PKP1: variants seen among roughly 807,000 people sequenced by gnomAD.
PKP1 encodes plakophilin 1, also known as plakophilin-1.
PKP1 carries 27 observed loss-of-function variants against 76.4 expected under a neutral mutation model. The observed-to-expected ratio is 0.35, with a 90% confidence interval of 0.26 to 0.49. The LOEUF (loss-of-function observed/expected upper bound fraction) is 0.49, where lower values mean the gene tolerates loss of function less well. Ranked by LOEUF, PKP1 falls within the 20% of genes least tolerant of loss-of-function variation. The pLI is 0.99. For missense variants in PKP1, 964 were observed against 955.2 expected (o/e 1.01, Z -0.12); for synonymous variants, 404 against 384.2 (o/e 1.05, Z -0.60).
intron 6 of PKP1, among the ~76,000 whole-genome samples, chr1:201,319,509 T>C (rs1656872642): frequency 6.6e-6 from 1 of 152,146 alleles, no homozygotes; most frequent in South Asian, 2.1e-4. Flanking sequence ...GTGTCTCAAC[T>C]TGTGTTTCTC....
At chr1:201,297,793 C>T (rs1034270637) in intron 2 of PKP1, among the ~76,000 whole-genome samples, 1 of 152,180 alleles carries the variant, frequency 6.6e-6, no homozygotes, top group Non-Finnish European at 1.5e-5. Context: ...TCCCCTCCAA[C>T]CAGGCCTACT....
intron 2 of PKP1, among the ~76,000 whole-genome samples, chr1:201,309,945 G>A (rs973275571): frequency 1.1e-4 from 16 of 152,210 alleles, no homozygotes; most frequent in Non-Finnish European, 2.2e-4. Context: ...CACTCGAAGT[G>A]CCCCATCTGG....
chr1:201,298,431 A>G (rs1210573487), intron 2 of PKP1, among the ~76,000 whole-genome samples: 5 of 152,174 alleles, frequency 3.3e-5, no homozygotes, highest in East Asian at 1.9e-4. Flanking sequence ...CAAAGGGTTT[A>G]CTTATTTTTA....
Position 201,328,785 on chromosome 1 carries a change from G to A in PKP1, c.2130G>A (p.Leu710=), listed in dbSNP as rs1416861202. Residue 710 remains leucine (L), a synonymous_variant, in exon 13 of 14, where the codon CTG becomes CTA. Transcript: ENST00000367324. ...LRQQGFDRNM[L]GTLAGANSLR... Reference sequence around the variant, plus strand: ...AGCAAGGTTTCGATAGGAACATGCTGGGAACCTTAGCTGGGGCCAACAGCC... The same window carrying A: ...AGCAAGGTTTCGATAGGAACATGCTAGGAACCTTAGCTGGGGCCAACAGCC... 1.2e-6 allele frequency: 2 copies of A among 1,614,180 alleles called. No individual in the cohort carries two copies. Among genetic ancestry groups the A allele is most frequent in the Non-Finnish European group, 8.5e-7 (1 of 1,180,012 alleles).
In PKP1 at chr1:201,331,252, T is replaced by C. The variant is rs958130930; in HGVS notation, c.*1211T>C. On this transcript the variant is annotated 3_prime_UTR_variant, in exon 14 of 14. Coordinates refer to ENST00000367324, the MANE Select transcript of PKP1 (RefSeq NM_001005337.3). ...TATCAGGGTACCGGTACCGGCAAGC[T>C]CACATCTCAGCCAGGGGCCATGCCC... is the stretch of plus-strand genomic sequence containing the variant. 1.3e-5 allele frequency: 2 copies of C among 152,224 alleles called. No homozygotes were observed. Among genetic ancestry groups the C allele is most frequent in the African/African-American group, 4.8e-5 (2 of 41,370 alleles). The allele number at this position is 152,224 out of a possible 1,614,324, so 9.4% of individuals were successfully genotyped here.
At chr1:201,286,194 G>A (rs115084960) in intron 1 of PKP1, among the ~76,000 whole-genome samples, 2,452 of 152,286 alleles carry the variant, frequency 0.016, 60 homozygotes, top group African/African-American at 0.055. Context: ...AATGGAATGA[G>A]CTGGTAGCTG....
intron 6 of PKP1, chr1:201,319,933 G>A: frequency 1.3e-6 from 2 of 1,568,410 alleles, no homozygotes; most frequent in African/African-American, 1.3e-5. Flanking sequence ...GCCATTGCCA[G>A]TTATAAAGTT....
At chr1:201,298,263 G>C (rs914122019) in intron 2 of PKP1, among the ~76,000 whole-genome samples, 1 of 152,168 alleles carries the variant, frequency 6.6e-6, no homozygotes, top group Non-Finnish European at 1.5e-5. Flanking sequence ...TAGAGAGCTG[G>C]AGCCATGGAA....
chr1:201,289,557 G>A (rs1655840774), intron 1 of PKP1, among the ~76,000 whole-genome samples: 1 of 152,178 alleles, frequency 6.6e-6, no homozygotes, highest in Admixed American at 6.5e-5. Flanking sequence ...TGTCCTGAGA[G>A]CCTTCTCTAT....
At position 201,283,727 on chromosome 1, in the gene PKP1, G is replaced by T; in HGVS notation, c.25G>T (p.Ala9Ser). The change falls in exon 1 of 14, where the codon GCC (alanine) becomes TCC (serine). Residue 9 changes from alanine (A) to serine (S), a missense_variant. Ala to Ser is a moderately conservative substitution (Grantham distance 99). Coordinates refer to ENST00000367324, the MANE Select transcript of PKP1 (RefSeq NM_001005337.3). MNHSPLKT[A>S]LAYECFQDQD... The stretch of plus-strand genomic sequence containing the variant: ...CATGAACCACTCGCCGCTCAAGACC[G>T]CCTTGGCGTACGAATGCTTCCAGGA... The T allele has an allele frequency of 6.2e-7, 1 of 1,614,006 alleles. No homozygotes were observed. The highest frequency in any genetic ancestry group is 8.5e-7 in the Non-Finnish European group (1 of 1,179,898).
intron 1 of PKP1, among the ~76,000 whole-genome samples, chr1:201,290,853 G>A (rs700469): frequency 0.14 from 21,394 of 152,180 alleles, 1,924 homozygotes; most frequent in Non-Finnish European, 0.2. Flanking sequence ...GGGAGTAGGC[G>A]TCATTCATCA....
rs754170985 is a variant in PKP1 at position 201,318,719 on chromosome 1, T to C, written c.1156T>C (p.Trp386Arg). The C allele has an allele frequency of 6.2e-7, 1 of 1,612,210 alleles. No homozygotes were observed. The highest frequency in any genetic ancestry group is 8.5e-7 in the Non-Finnish European group (1 of 1,179,870). Residue 386 changes from tryptophan (W) to arginine (R), a missense_variant, in exon 6 of 14, where the codon TGG becomes CGG. Transcript: ENST00000367324. ...CCGCGTCATCATTCCCTTCTCTGGC[T>C]GGTGCGATGGCAATAGCAACATGTC... Reference protein sequence around the residue: ...ADRVIIPFSGWCDGNSNMSRE... With the variant: ...ADRVIIPFSGRCDGNSNMSRE...
In PKP1 at chr1:201,293,983, A is replaced by G. The variant is rs1055003862; in HGVS notation, c.244A>G (p.Thr82Ala). 15 of 1,613,806 alleles carry G rather than the reference A, an allele frequency of 9.3e-6. No homozygotes were observed. The highest frequency in any genetic ancestry group is 1.2e-5 in the Non-Finnish European group (14 of 1,179,930). ...DGLADNYNYGTTSRSSYYSKF... is the reference protein window; with the variant it reads ...DGLADNYNYGATSRSSYYSKF... ...CTTGGCTGACAATTACAACTATGGG[A>G]CCACCAGCAGGAGCAGCTACTACTC... The change falls in exon 2 of 14, where the codon ACC (threonine) becomes GCC (alanine). Residue 82 changes from threonine (T) to alanine (A), a missense_variant. Thr to Ala is a moderately conservative substitution (Grantham distance 58, BLOSUM62 0). Coordinates refer to ENST00000367324, the MANE Select transcript of PKP1 (RefSeq NM_001005337.3).
At chr1:201,308,198 G>T in intron 2 of PKP1, among the ~76,000 whole-genome samples, 1 of 148,656 alleles carries the variant, frequency 6.7e-6, no homozygotes, top group African/African-American at 2.4e-5. Flanking sequence ...GCCGTGCACC[G>T]GCACAGGCTG....
chr1:201,289,281 TG>T (rs1655830057), intron 1 of PKP1, among the ~76,000 whole-genome samples: 1 of 152,228 alleles, frequency 6.6e-6, no homozygotes, highest in African/African-American at 2.4e-5. Flanking sequence ...CTGGGCACCA[TG>T]GGTGAAAGAG....
intron 1 of PKP1, among the ~76,000 whole-genome samples, chr1:201,286,151 G>A (rs891729693): frequency 6.6e-6 from 1 of 152,196 alleles, no homozygotes; most frequent in Non-Finnish European, 1.5e-5. Context: ...TCTTATGCTG[G>A]TTTACCTGTC....
At chr1:201,304,644 A>T (rs1656323731) in intron 2 of PKP1, among the ~76,000 whole-genome samples, 1 of 152,192 alleles carries the variant, frequency 6.6e-6, no homozygotes, top group South Asian at 2.1e-4. Context: ...ACCACTGGGG[A>T]TGGGGTCTTC....
chr1:201,325,547 G>C (rs543119794), intron 11 of PKP1, among the ~76,000 whole-genome samples: 1 of 152,170 alleles, frequency 6.6e-6, no homozygotes, highest in African/African-American at 2.4e-5. Context: ...GGGTGCTCTA[G>C]GTGGGCAGGG....
chr1:201,287,477 C>T (rs754912264), intron 1 of PKP1, among the ~76,000 whole-genome samples: 3 of 152,238 alleles, frequency 2.0e-5, no homozygotes, highest in Non-Finnish European at 4.4e-5. Context: ...GGCATCACTT[C>T]TGGGGTTGTT....
Sources: gnomAD v4.1 joint callset for allele counts (sites outside exome capture counted in the v4.1 genomes callset) on GRCh38, gnomAD v4.1.1 for gene constraint, MANE v1.5 for transcripts, NCBI Gene and HGNC (gene_info 2026-07-23, HGNC 2026-07-21) for gene names.